The following PARD3 variants were observed in gnomAD, a reference collection of about 807,000 sequenced individuals.
PARD3 encodes par-3 family cell polarity regulator, also known as partitioning defective 3 homolog.
A neutral mutation model predicts 155.4 loss-of-function variants in PARD3; 75 were observed. The ratio of observed to expected loss-of-function variants is 0.48; its 90% CI spans 0.40 to 0.58. The LOEUF is 0.58. Among genes scored for constraint, PARD3 ranks in the 20% least tolerant of loss-of-function variants. PARD3 has a pLI of 0.00. For synonymous variants in PARD3, 576 were observed against 610.5 expected (o/e 0.94, Z 0.83); for missense variants, 1,642 against 1,721.7 (o/e 0.95, Z 0.82).
chr10:34,113,654 A>G (rs1946512810), intron 24 of PARD3, among the ~76,000 whole-genome samples: 2 of 152,086 alleles, frequency 1.3e-5, no homozygotes, highest in South Asian at 4.1e-4. Flanking sequence ...ACAGACAATA[A>G]GAGTTTCCTA....
chr10:34,681,179 G>A (rs2093810854), intron 2 of PARD3, among the ~76,000 whole-genome samples: 1 of 152,070 alleles, frequency 6.6e-6, no homozygotes, highest in South Asian at 2.1e-4. Context: ...CAACTTGACT[G>A]AGTAATTTTA....
At chr10:34,327,527 A>G (rs764437851) in intron 19 of PARD3, among the ~76,000 whole-genome samples, 1 of 152,194 alleles carries the variant, frequency 6.6e-6, no homozygotes, top group Non-Finnish European at 1.5e-5. Flanking sequence ...CCAACTGACA[A>G]AAGCAATCAA....
chr10:34,317,439 T>C, intron 19 of PARD3, 101 bp from the exon 20 acceptor site: 1 of 1,240,728 alleles, frequency 8.1e-7, no homozygotes, highest in East Asian at 2.4e-5. Flanking sequence ...ACACTTTTAC[T>C]GCAGTATGGC....
At chr10:34,555,761 A>G (rs1219277951) in intron 2 of PARD3, among the ~76,000 whole-genome samples, 6 of 152,018 alleles carry the variant, frequency 3.9e-5, no homozygotes, top group African/African-American at 1.4e-4. Context: ...CCGCCCACAC[A>G]CCTACCTACC....
At chr10:34,639,262 G>A (rs751114654) in intron 2 of PARD3, among the ~76,000 whole-genome samples, 3 of 152,068 alleles carry the variant, frequency 2.0e-5, no homozygotes, top group Non-Finnish European at 4.4e-5. Context: ...CAGGCATGGT[G>A]GCACGTGACT....
chr10:34,667,562 T>C (rs1193002412), intron 2 of PARD3, among the ~76,000 whole-genome samples: 1 of 152,244 alleles, frequency 6.6e-6, no homozygotes, highest in African/African-American at 2.4e-5. Context: ...TTGATAGCCT[T>C]TGGCACTGAA....
At chr10:34,474,314 AC>A (rs1306252412) in intron 3 of PARD3, among the ~76,000 whole-genome samples, 2 of 151,804 alleles carry the variant, frequency 1.3e-5, no homozygotes, top group Non-Finnish European at 2.9e-5. Context: ...AAATAAATAG[AC>A]CCCGGGGCAG....
chr10:34,409,757 T>C (rs1179031349), intron 5 of PARD3, among the ~76,000 whole-genome samples: 1 of 152,210 alleles, frequency 6.6e-6, no homozygotes, highest in East Asian at 1.9e-4. Flanking sequence ...CACTTATTTT[T>C]CTTTTGAAAA....
chr10:34,808,925 G>A (rs1843732669), intron 1 of PARD3, among the ~76,000 whole-genome samples: 1 of 152,206 alleles, frequency 6.6e-6, no homozygotes, highest in South Asian at 2.1e-4. Flanking sequence ...GACGGAATCA[G>A]AGGCGCCAGA....
chr10:34,726,071 T>A (rs1264805229), intron 1 of PARD3, among the ~76,000 whole-genome samples: 1 of 152,206 alleles, frequency 6.6e-6, no homozygotes, highest in Non-Finnish European at 1.5e-5. Context: ...TAACATGTCT[T>A]TTAACCATCA....
chr10:34,161,769 T>G (rs1949295278), intron 22 of PARD3, among the ~76,000 whole-genome samples: 1 of 152,206 alleles, frequency 6.6e-6, no homozygotes, highest in African/African-American at 2.4e-5. Flanking sequence ...AACCCATTCA[T>G]TAAAGATGCC....
intron 2 of PARD3, among the ~76,000 whole-genome samples, chr10:34,523,001 G>A (rs16935478): frequency 0.032 from 4,848 of 152,228 alleles, 89 homozygotes; most frequent in Middle Eastern, 0.068. Flanking sequence ...GATTCTGTTC[G>A]TTTTTGATTA....
chr10:34,803,467 G>A (rs1236050692), intron 1 of PARD3, among the ~76,000 whole-genome samples: 8 of 152,032 alleles, frequency 5.3e-5, no homozygotes, highest in Admixed American at 2.0e-4. Flanking sequence ...GTCTTAAAAC[G>A]TAAAAGACAA....
chr10:34,294,924 T>C (rs1461727008), intron 20 of PARD3, among the ~76,000 whole-genome samples: 1 of 152,086 alleles, frequency 6.6e-6, no homozygotes, highest in Non-Finnish European at 1.5e-5. Context: ...CAGAGAAAGC[T>C]GGGCATGGTA....
At chr10:34,304,594 AG>A (rs1020977187) in intron 20 of PARD3, among the ~76,000 whole-genome samples, 3 of 152,198 alleles carry the variant, frequency 2.0e-5, no homozygotes, top group Non-Finnish European at 4.4e-5. Flanking sequence ...CAGATGGTGC[AG>A]GAGAGTGTTA....
At chr10:34,213,757 A>T (rs1951867091) in intron 22 of PARD3, among the ~76,000 whole-genome samples, 1 of 152,180 alleles carries the variant, frequency 6.6e-6, no homozygotes, top group South Asian at 2.1e-4. Flanking sequence ...AGAGGACAGG[A>T]GGTGACGTGG....
chr10:34,571,954 T>C (rs1456765943), intron 2 of PARD3, among the ~76,000 whole-genome samples: 2 of 152,334 alleles, frequency 1.3e-5, no homozygotes, highest in East Asian at 1.9e-4. Flanking sequence ...AATATTATTA[T>C]GCTCTATCTG....
At chr10:34,209,655 G>T (rs944384011) in intron 22 of PARD3, among the ~76,000 whole-genome samples, 1 of 152,100 alleles carries the variant, frequency 6.6e-6, no homozygotes. Context: ...TAGCTATGGG[G>T]TCTTGGCTGA....
At chr10:34,334,068 CTTTTG>C (rs1285419756) in intron 18 of PARD3, among the ~76,000 whole-genome samples, 3 of 151,712 alleles carry the variant, frequency 2.0e-5, no homozygotes, top group Non-Finnish European at 4.4e-5. Flanking sequence ...AAGTTAGTAT[CTTTTG>C]TCTTAATTTT....
Sources: gnomAD v4.1 joint callset for allele counts (sites outside exome capture counted in the v4.1 genomes callset) on GRCh38, gnomAD v4.1.1 for gene constraint, MANE v1.5 for transcripts, NCBI Gene and HGNC (gene_info 2026-07-23, HGNC 2026-07-21) for gene names.